The following NPL variants were observed in gnomAD, a reference collection of about 807,000 sequenced individuals.
NPL encodes N-acetylneuraminate lyase.
NPL carries 32 observed loss-of-function variants against 41.1 expected under a neutral mutation model. That is an observed-to-expected ratio of 0.78 (90% CI 0.59 to 1.05). NPL has a LOEUF of 1.05. NPL is among the 50% of genes least tolerant of loss of function. The pLI is 0.00. For synonymous variants in NPL, 128 were observed against 134.9 expected (o/e 0.95, Z 0.35); for missense variants, 321 against 378.4 (o/e 0.85, Z 1.26).
intron 5 of NPL, among the ~76,000 whole-genome samples, chr1:182,810,157 T>C (rs952954391): frequency 3.3e-5 from 5 of 152,164 alleles, no homozygotes; most frequent in African/African-American, 7.2e-5. Context: ...GCATGTGTTA[T>C]TCAAGGTCCT....
chr1:182,793,643 G>A (rs1666577019), intron 2 of NPL, among the ~76,000 whole-genome samples: 1 of 152,092 alleles, frequency 6.6e-6, no homozygotes, highest in African/African-American at 2.4e-5. Context: ...GGACAAAACT[G>A]GGCAAAATTA....
At chr1:182,816,321 A>G (rs758720778) in intron 7 of NPL, among the ~76,000 whole-genome samples, 34 of 152,200 alleles carry the variant, frequency 2.2e-4, no homozygotes, top group Admixed American at 3.3e-4. Flanking sequence ...GATTTTCTCA[A>G]TTAAAATCTT....
intron 11 of NPL, among the ~76,000 whole-genome samples, chr1:182,824,497 A>G (rs1667576508): frequency 6.6e-6 from 1 of 152,190 alleles, no homozygotes; most frequent in Admixed American, 6.5e-5. Flanking sequence ...ATCTCTTAAT[A>G]AGATGCATGA....
intron 10 of NPL, among the ~76,000 whole-genome samples, chr1:182,821,654 T>C (rs1169668742): frequency 6.6e-6 from 1 of 152,206 alleles, no homozygotes; most frequent in Non-Finnish European, 1.5e-5. Flanking sequence ...AACTAGTCTT[T>C]AAGTAATATA....
intron 10 of NPL, 141 bp from the exon 11 acceptor site, chr1:182,821,974 T>C: frequency 1.4e-6 from 1 of 705,188 alleles, no homozygotes; most frequent in South Asian, 1.5e-5. Flanking sequence ...GACAGTCTTG[T>C]CCCCTAATAG....
chr1:182,790,026 C>A (rs893512932), intron 1 of NPL, among the ~76,000 whole-genome samples: 2 of 152,138 alleles, frequency 1.3e-5, no homozygotes, highest in African/African-American at 4.8e-5. Flanking sequence ...ACTTACTCCC[C>A]CGGATTGTTT....
chr1:182,817,687 T>C (rs1012098398), intron 8 of NPL, among the ~76,000 whole-genome samples: 3 of 152,246 alleles, frequency 2.0e-5, no homozygotes, highest in Admixed American at 6.5e-5. Flanking sequence ...GTTCAATTAA[T>C]GTGCTACAGC....
rs1293782136 is a variant in NPL at position 182,829,748 on chromosome 1, C to T, written c.*840C>T. 45 of 960,026 alleles carry T rather than the reference C, an allele frequency of 4.7e-5. No homozygotes were observed. The East Asian group carries it at 1.1e-3, about 23-fold the overall frequency. The allele number at this position is 960,026 out of a possible 1,614,324, so 59.5% of individuals were successfully genotyped here. A position where few individuals can be genotyped will look rare whatever the true frequency, so the allele number is the denominator to read the frequency against. Reference sequence around the variant, plus strand: ...GGCTGACTTCCTTTCTGCAGTGAGCCCAGGGGCTAATGTTATTATCCTGTC... The same window carrying T: ...GGCTGACTTCCTTTCTGCAGTGAGCTCAGGGGCTAATGTTATTATCCTGTC... On this transcript the variant is annotated 3_prime_UTR_variant, in exon 13 of 13. Transcript: ENST00000367553.
chr1:182,807,959 C>T (rs79426627), intron 5 of NPL, among the ~76,000 whole-genome samples: 3,396 of 149,954 alleles, frequency 0.023, 131 homozygotes, highest in African/African-American at 0.08. Context: ...ACAGAAAGCC[C>T]TCAGAGGGTA....
chr1:182,816,499 G>A (rs892913189), intron 7 of NPL, among the ~76,000 whole-genome samples: 3 of 152,090 alleles, frequency 2.0e-5, no homozygotes, highest in African/African-American at 4.8e-5. Context: ...GAGAATAATC[G>A]TCTTACTTTG....
rs955075158 is a variant in NPL at position 182,828,529 on chromosome 1, C to T, written c.779-195C>T. On this transcript the variant is annotated intron_variant, in intron 12 of 12. Coordinates refer to ENST00000367553, the MANE Select transcript of NPL (RefSeq NM_030769.3). This position sits in a 1 kb window ranked among gnomAD's most constrained non-coding sequence, Gnocchi z 4.0. ...GTGATCAACTTTTAAAATTTTCCAG[C>T]GTTCTGTGTTTGAAGCAGGAAGAGG... Among the ~76,000 whole-genome samples the T allele has an allele frequency of 2.6e-5, 4 of 152,248 alleles. No individual in the cohort carries two copies. Among genetic ancestry groups the T allele is most frequent in the Admixed American group, 6.5e-5 (1 of 15,294 alleles).
chr1:182,816,781 C>T lies in NPL; in HGVS notation c.432C>T (p.His144=), dbSNP rs1323190767. 5 of 1,613,312 alleles carry T rather than the reference C, an allele frequency of 3.1e-6. No homozygotes were observed. The African/African-American group carries it at 4.0e-5, about 13-fold the overall frequency. Residue 144 remains histidine (H), a synonymous_variant, in exon 8 of 13, where the codon CAC becomes CAT. Coordinates refer to ENST00000367553, the MANE Select transcript of NPL (RefSeq NM_030769.3). The part of the protein sequence containing the change: ...AAPALPFYYY[H]IPALTGVKIR... ...CTGCCCTGCCATTTTATTACTATCA[C>T]ATTCCTGCCTTGACAGGGGTAAAGA...
chr1:182,829,282 T>C lies in NPL; in HGVS notation c.*374T>C, dbSNP rs1667708232. 5.9e-6 allele frequency: 7 copies of C among 1,187,918 alleles called. No individual in the cohort carries two copies. The South Asian group carries it at 1.6e-4, about 27-fold the overall frequency. The allele number at this position is 1,187,918 out of a possible 1,614,324, so 73.6% of individuals were successfully genotyped here. A position where few individuals can be genotyped will look rare whatever the true frequency, so the allele number is the denominator to read the frequency against. ...TGTCTAATTTTAAACCACTATAATATGTCTTCATTTTAATAAATATTCATT... is the reference window on the plus strand; with the variant it reads ...TGTCTAATTTTAAACCACTATAATACGTCTTCATTTTAATAAATATTCATT... On this transcript the variant is annotated 3_prime_UTR_variant, in exon 13 of 13. Transcript: ENST00000367553.
Position 182,818,665 on chromosome 1 carries a change from T to C in NPL, c.582T>C (p.Phe194=). 6.2e-7 allele frequency: 1 copy of C among 1,614,232 alleles called. No individual in the cohort carries two copies. Among genetic ancestry groups the C allele is most frequent in the Non-Finnish European group, 8.5e-7 (1 of 1,180,042 alleles). Residue 194 remains phenylalanine (F), a synonymous_variant, in exon 9 of 13, where the codon TTT becomes TTC. Transcript: ENST00000367553. ...TTGATCAGAATCGCCAGCAACAGTT[T>C]GCTTTCCTTTTTGGGGTGGATGAGG... is the stretch of plus-strand genomic sequence containing the variant. ...QCVDQNRQQQ[F]AFLFGVDEQL... is the part of the protein sequence containing the mutation.
At chr1:182,823,731 G>T (rs1164970499) in intron 11 of NPL, among the ~76,000 whole-genome samples, 5 of 152,178 alleles carry the variant, frequency 3.3e-5, no homozygotes, top group African/African-American at 1.2e-4. Context: ...CAGCTATAAT[G>T]CTGACCCTTC....
intron 12 of NPL, chr1:182,826,726 T>C (rs1449013953): frequency 6.6e-6 from 1 of 152,236 alleles, no homozygotes; most frequent in Non-Finnish European, 1.5e-5. Context: ...GTGATAATTA[T>C]TATGTTCCTA....
chr1:182,824,961 T>C (rs1224475000), intron 11 of NPL, among the ~76,000 whole-genome samples: 1 of 152,226 alleles, frequency 6.6e-6, no homozygotes, highest in East Asian at 1.9e-4. Context: ...CAAAACTGTG[T>C]TCATGTAAGT....
intron 5 of NPL, among the ~76,000 whole-genome samples, chr1:182,809,539 T>TA (rs35178861): frequency 0.088 from 11,064 of 125,454 alleles, 1,181 homozygotes; most frequent in African/African-American, 0.26. Context: ...GACTCCATCT[T>TA]AAAAAAAAAA....
chr1:182,807,608 G>A (rs1667052433), intron 5 of NPL, among the ~76,000 whole-genome samples: 1 of 151,802 alleles, frequency 6.6e-6, no homozygotes, highest in African/African-American at 2.4e-5. Context: ...CGGGCATGGT[G>A]GCTCATGCCT....
Sources: gnomAD v4.1 joint callset for allele counts (sites outside exome capture counted in the v4.1 genomes callset) on GRCh38, gnomAD v4.1.1 for gene constraint, Gnocchi (gnomAD v3.1) non-coding constraint, MANE v1.5 for transcripts, NCBI Gene and HGNC (gene_info 2026-07-23, HGNC 2026-07-21) for gene names.